Variants in UGT1A8 observed in about 807,000 individuals in gnomAD.
UGT1A8 encodes UDP glucuronosyltransferase family 1 member A8, also known as UDP-glucuronosyltransferase 1A8.
UGT1A8 carries 39 observed loss-of-function variants against 45.3 expected under a neutral mutation model. The ratio of observed to expected loss-of-function variants is 0.86; its 90% CI spans 0.67 to 1.12. UGT1A8 has a LOEUF of 1.12. UGT1A8 is among the 50% of genes most tolerant of loss of function. The pLI is 0.00. For missense variants in UGT1A8, 719 were observed against 664.9 expected (o/e 1.08, Z -0.90); for synonymous variants, 275 against 249.2 (o/e 1.10, Z -0.97).
chr2:233,755,109 T>C, intron 1 of UGT1A8: 1 of 1,333,450 alleles, frequency 7.5e-7, no homozygotes, highest in Non-Finnish European at 1.0e-6. Flanking sequence ...CGACAACACC[T>C]CGTAGGCCTC....
At chr2:233,691,910 T>C (rs1422473663) in intron 1 of UGT1A8, 1 of 152,836 alleles carries the variant, frequency 6.5e-6, no homozygotes, top group East Asian at 1.9e-4. Context: ...CCTGAAACCA[T>C]AAGTGGTGGG....
At chr2:233,631,713 C>G (rs1181629088) in intron 1 of UGT1A8, among the ~76,000 whole-genome samples, 1 of 151,776 alleles carries the variant, frequency 6.6e-6, no homozygotes, top group East Asian at 1.9e-4. Flanking sequence ...GTTTAAGTTC[C>G]TTGTAGATTC....
chr2:233,713,368 G>C, intron 1 of UGT1A8: 5 of 1,614,136 alleles, frequency 3.1e-6, no homozygotes, highest in Non-Finnish European at 4.2e-6. Flanking sequence ...ATCATACATA[G>C]GTCTTGTGTG....
At chr2:233,673,711 G>A (rs1199073256) in intron 1 of UGT1A8, among the ~76,000 whole-genome samples, 3 of 151,830 alleles carry the variant, frequency 2.0e-5, no homozygotes, top group Non-Finnish European at 4.4e-5. Flanking sequence ...GAAACTATTG[G>A]GTACAGGACA....
intron 1 of UGT1A8, among the ~76,000 whole-genome samples, chr2:233,756,884 T>C (rs1289001884): frequency 6.6e-6 from 1 of 152,128 alleles, no homozygotes; most frequent in Non-Finnish European, 1.5e-5. Flanking sequence ...GTAATGAGGA[T>C]GTGTTATCTC....
At chr2:233,747,619 C>T (rs988412052) in intron 1 of UGT1A8, 2 of 1,575,824 alleles carry the variant, frequency 1.3e-6, no homozygotes, top group Admixed American at 1.7e-5. Flanking sequence ...CATAATGAGG[C>T]CCTGATCAGG....
chr2:233,627,448 T>C (rs2073103838), intron 1 of UGT1A8, among the ~76,000 whole-genome samples: 1 of 152,078 alleles, frequency 6.6e-6, no homozygotes, highest in African/African-American at 2.4e-5. Context: ...GACTTTGCAT[T>C]TTCTCAAATC....
intron 1 of UGT1A8, among the ~76,000 whole-genome samples, chr2:233,674,606 C>T (rs1235731242): frequency 6.6e-6 from 1 of 151,866 alleles, no homozygotes; most frequent in East Asian, 1.9e-4. Context: ...AAATATGAAA[C>T]ATCAAACTAT....
At chr2:233,674,686 T>C (rs535111812) in intron 1 of UGT1A8, among the ~76,000 whole-genome samples, 3 of 152,328 alleles carry the variant, frequency 2.0e-5, no homozygotes, top group African/African-American at 7.2e-5. Context: ...TATGTGTCTA[T>C]TAAAGAATAT....
intron 1 of UGT1A8, among the ~76,000 whole-genome samples, chr2:233,735,030 C>T (rs1056371330): frequency 3.9e-5 from 6 of 152,186 alleles, no homozygotes; most frequent in African/African-American, 1.2e-4. Context: ...TCTATTAGGT[C>T]TGCTTGGTGC....
intron 1 of UGT1A8, among the ~76,000 whole-genome samples, chr2:233,724,399 C>T (rs1329746304): frequency 1.5e-4 from 22 of 142,970 alleles, no homozygotes; most frequent in African/African-American, 5.2e-4. Flanking sequence ...CCTCACTTCC[C>T]AGATGGGGTG....
intron 1 of UGT1A8, among the ~76,000 whole-genome samples, chr2:233,748,859 T>G (rs1694048871): frequency 6.6e-6 from 1 of 151,492 alleles, no homozygotes; most frequent in Non-Finnish European, 1.5e-5. Flanking sequence ...TAAGCCCAGT[T>G]AAGCTGGGGA....
chr2:233,630,292 G>T (rs534892740), intron 1 of UGT1A8, among the ~76,000 whole-genome samples: 1 of 152,172 alleles, frequency 6.6e-6, no homozygotes, highest in South Asian at 2.1e-4. Flanking sequence ...ACCAGTTAGG[G>T]TGTCCCGAAA....
chr2:233,745,134 A>C (rs1693022664), intron 1 of UGT1A8, among the ~76,000 whole-genome samples: 1 of 151,864 alleles, frequency 6.6e-6, no homozygotes, highest in Admixed American at 6.5e-5. Context: ...TGCAGATGTG[A>C]AGCCCAAGTA....
intron 1 of UGT1A8, among the ~76,000 whole-genome samples, chr2:233,627,162 T>G (rs543864349): frequency 2.0e-5 from 3 of 152,194 alleles, no homozygotes; most frequent in East Asian, 3.9e-4. Flanking sequence ...ATGTCTTTTG[T>G]GTCATCTTGT....
chr2:233,707,242 T>C (rs1364036901), intron 1 of UGT1A8, among the ~76,000 whole-genome samples: 1 of 152,184 alleles, frequency 6.6e-6, no homozygotes, highest in African/African-American at 2.4e-5. Flanking sequence ...ATTATTTCTC[T>C]TGTGTTTTTC....
At chr2:233,740,203 T>G (rs1381111431) in intron 1 of UGT1A8, among the ~76,000 whole-genome samples, 1 of 151,870 alleles carries the variant, frequency 6.6e-6, no homozygotes, top group Non-Finnish European at 1.5e-5. Context: ...TTTTATAAAT[T>G]ACCCAGTCTC....
At chr2:233,625,061 C>T (rs1252297190) in intron 1 of UGT1A8, among the ~76,000 whole-genome samples, 1 of 152,004 alleles carries the variant, frequency 6.6e-6, no homozygotes, top group Non-Finnish European at 1.5e-5. Flanking sequence ...TTACCAAAAG[C>T]CTTACCAATA....
chr2:233,649,177 T>C (rs1009217427), intron 1 of UGT1A8, among the ~76,000 whole-genome samples: 63 of 152,376 alleles, frequency 4.1e-4, no homozygotes, highest in African/African-American at 1.4e-3. Context: ...CACGTGTTTG[T>C]TGGTTAGCAA....
Sources: allele counts gnomAD v4.1 joint callset (sites outside exome capture counted in the v4.1 genomes callset), GRCh38; gene constraint gnomAD v4.1.1; transcripts MANE v1.5; gene names NCBI Gene and HGNC (gene_info 2026-07-23, HGNC 2026-07-21).